Variants in IL1RAPL2 observed in about 807,000 individuals in gnomAD.
IL1RAPL2 encodes X-linked interleukin-1 receptor accessory protein-like 2.
In IL1RAPL2, 3 loss-of-function variants were observed where a neutral mutation model predicts 44.1. The ratio of observed to expected loss-of-function variants is 0.07; its 90% confidence interval spans 0.03 to 0.18. The LOEUF (loss-of-function observed/expected upper bound fraction) is 0.18. Ranked by LOEUF, IL1RAPL2 falls within the 10% of genes least tolerant of loss-of-function variation. The pLI is 1.00. For synonymous variants in IL1RAPL2, 181 were observed against 178.8 expected (o/e 1.01, Z -0.10); for missense variants, 391 against 496.4 (o/e 0.79, Z 2.02).
chrX:105,400,268 C>G (rs770733371), intron 5 of IL1RAPL2, among the ~76,000 whole-genome samples: 1 of 111,556 alleles, frequency 9.0e-6, no homozygotes, highest in Admixed American at 9.6e-5. Context: ...TCCACTGATT[C>G]AAATCTTGTT....
intron 2 of IL1RAPL2, among the ~76,000 whole-genome samples, chrX:104,868,377 C>T (rs1303141077): frequency 1.8e-5 from 2 of 111,902 alleles, no homozygotes; most frequent in East Asian, 2.8e-4. Flanking sequence ...ATAGGTTATT[C>T]TTTAGGGCCA....
intron 4 of IL1RAPL2, among the ~76,000 whole-genome samples, chrX:105,235,365 G>T (rs782608463): frequency 1.8e-5 from 2 of 111,874 alleles, no homozygotes; most frequent in East Asian, 5.7e-4. Context: ...ATGATGTGAT[G>T]GTAGATGACC....
chrX:105,575,209 G>C (rs2037041910), intron 6 of IL1RAPL2, among the ~76,000 whole-genome samples: 1 of 110,376 alleles, frequency 9.1e-6, no homozygotes, highest in African/African-American at 3.3e-5. Flanking sequence ...TTAATTTCAG[G>C]AGTACAGGTT....
chrX:105,494,693 C>T (rs772830587), intron 6 of IL1RAPL2, among the ~76,000 whole-genome samples: 1 of 111,194 alleles, frequency 9.0e-6, no homozygotes, highest in South Asian at 3.8e-4. Flanking sequence ...CTCGCTCTGT[C>T]ACCCAGGCTA....
chrX:105,512,393 C>A (rs902597988), intron 6 of IL1RAPL2, among the ~76,000 whole-genome samples: 1 of 111,142 alleles, frequency 9.0e-6, no homozygotes, highest in African/African-American at 3.3e-5. Flanking sequence ...ACATGGAGAA[C>A]AAAGTGGTAC....
At chrX:104,593,777 T>C (rs1203688692) in intron 1 of IL1RAPL2, among the ~76,000 whole-genome samples, 1 of 112,165 alleles carries the variant, frequency 8.9e-6, no homozygotes, top group Non-Finnish European at 1.9e-5. Flanking sequence ...TCTGCACATG[T>C]GTTATTCCAC....
chrX:105,184,036 T>C (rs1006999357), intron 2 of IL1RAPL2, among the ~76,000 whole-genome samples: 1 of 111,425 alleles, frequency 9.0e-6, no homozygotes, highest in Non-Finnish European at 1.9e-5. Context: ...GGGTCTCTCC[T>C]ATGGCTAGGG....
chrX:105,301,940 C>A (rs1275076392), intron 5 of IL1RAPL2, among the ~76,000 whole-genome samples: 1 of 112,116 alleles, frequency 8.9e-6, no homozygotes, highest in Non-Finnish European at 1.9e-5. Context: ...AACCTCTAAA[C>A]TGTTCTCCGT....
At chrX:105,107,136 A>G (rs2032752369) in intron 2 of IL1RAPL2, among the ~76,000 whole-genome samples, 2 of 112,839 alleles carry the variant, frequency 1.8e-5, no homozygotes, top group African/African-American at 6.4e-5. Context: ...TGCCCATTTT[A>G]GGACTAGTTG....
chrX:105,716,971 G>T (rs2038262100), intron 6 of IL1RAPL2, among the ~76,000 whole-genome samples: 1 of 111,720 alleles, frequency 9.0e-6, no homozygotes, highest in Non-Finnish European at 1.9e-5. Context: ...GTAACAAACA[G>T]CTTTGGGAAC....
chrX:104,887,335 C>T (rs143053852), intron 2 of IL1RAPL2, among the ~76,000 whole-genome samples: 3 of 112,188 alleles, frequency 2.7e-5, no homozygotes, highest in Non-Finnish European at 3.8e-5. Flanking sequence ...TCTCTTTATA[C>T]GTCACAGAGA....
At chrX:105,132,543 C>T (rs1276824196) in intron 2 of IL1RAPL2, among the ~76,000 whole-genome samples, 1 of 110,982 alleles carries the variant, frequency 9.0e-6, no homozygotes, top group African/African-American at 3.3e-5. Context: ...CACAGACTGC[C>T]CAGCTTTTGG....
At chrX:105,579,141 T>C (rs1055877015) in intron 6 of IL1RAPL2, among the ~76,000 whole-genome samples, 11 of 111,947 alleles carry the variant, frequency 9.8e-5, no homozygotes, top group Non-Finnish European at 1.5e-4. Flanking sequence ...AATAGAGTGA[T>C]ATTTTTCCCT....
chrX:104,959,893 T>C (rs1290276033), intron 2 of IL1RAPL2, among the ~76,000 whole-genome samples: 1 of 112,026 alleles, frequency 8.9e-6, no homozygotes, highest in Non-Finnish European at 1.9e-5. Context: ...TGAAGTCCTC[T>C]CTAAGGATTT....
chrX:105,362,863 G>C (rs1347119909), intron 5 of IL1RAPL2, among the ~76,000 whole-genome samples: 1 of 110,776 alleles, frequency 9.0e-6, no homozygotes, highest in African/African-American at 3.3e-5. Context: ...TTTGTGGTGA[G>C]AATGTTAACA....
intron 6 of IL1RAPL2, among the ~76,000 whole-genome samples, chrX:105,660,943 T>G (rs2037715435): frequency 9.1e-6 from 1 of 110,227 alleles, no homozygotes; most frequent in Admixed American, 9.6e-5. Flanking sequence ...AATAATAACA[T>G]TGAATGTAAA....
intron 2 of IL1RAPL2, among the ~76,000 whole-genome samples, chrX:104,775,866 A>G (rs1194624258): frequency 9.0e-6 from 1 of 110,583 alleles, no homozygotes; most frequent in East Asian, 2.9e-4. Flanking sequence ...ATGAAAAAAA[A>G]AAGAGAGGGA....
chrX:105,604,040 C>T (rs1476112871), intron 6 of IL1RAPL2, among the ~76,000 whole-genome samples: 2 of 110,107 alleles, frequency 1.8e-5, no homozygotes. Context: ...TAAGAATAAA[C>T]ACCTACATGA....
At chrX:104,985,856 G>A (rs1443999290) in intron 2 of IL1RAPL2, among the ~76,000 whole-genome samples, 2 of 112,070 alleles carry the variant, frequency 1.8e-5, no homozygotes, top group Non-Finnish European at 3.8e-5. Context: ...ACAAACTACC[G>A]AGTTATGTGT....
Sources: allele counts gnomAD v4.1 joint callset (sites outside exome capture counted in the v4.1 genomes callset), GRCh38; gene constraint gnomAD v4.1.1; transcripts MANE v1.5; gene names NCBI Gene and HGNC (gene_info 2026-07-23, HGNC 2026-07-21).